RBFOX1: variants seen among roughly 807,000 people sequenced by gnomAD.
RBFOX1 encodes the protein RNA binding protein fox-1 homolog 1.
Under a neutral mutation model 57.7 loss-of-function variants are expected in RBFOX1, and 8 were observed. That is an observed-to-expected ratio of 0.14 (90% CI 0.08 to 0.25). The LOEUF (loss-of-function observed/expected upper bound fraction) is 0.25. Ranked by LOEUF, RBFOX1 falls within the 10% of genes least tolerant of loss-of-function variation. The pLI, the probability that RBFOX1 is intolerant of heterozygous loss-of-function variation, is 1.00. For synonymous variants in RBFOX1, 326 were observed against 222.4 expected (o/e 1.47, Z -4.15); for missense variants, 611 against 548.5 (o/e 1.11, Z -1.14).
chr16:6,039,733 A>AAT (rs2095415762), intron 1 of RBFOX1, among the ~76,000 whole-genome samples: 2 of 152,234 alleles, frequency 1.3e-5, no homozygotes, highest in Non-Finnish European at 2.9e-5. Context: ...CTGGGTTAAC[A>AAT]TATTAGTTAT....
chr16:6,380,925 C>T (rs2091747807), intron 2 of RBFOX1, among the ~76,000 whole-genome samples: 1 of 152,282 alleles, frequency 6.6e-6, no homozygotes, highest in Admixed American at 6.5e-5. Context: ...CAAAGGTCCT[C>T]ATATTTTTCT....
intron 4 of RBFOX1, among the ~76,000 whole-genome samples, chr16:7,344,968 G>T (rs987989100): frequency 6.6e-6 from 1 of 151,622 alleles, no homozygotes; most frequent in Non-Finnish European, 1.5e-5. Flanking sequence ...GGGCTGTCAG[G>T]AGGCCTTGTT....
intron 3 of RBFOX1, among the ~76,000 whole-genome samples, chr16:6,747,128 G>T (rs2073861091): frequency 6.6e-6 from 1 of 152,104 alleles, no homozygotes; most frequent in African/African-American, 2.4e-5. Context: ...CTTACTGGTC[G>T]GCCAGGCGCA....
intron 1 of RBFOX1, among the ~76,000 whole-genome samples, chr16:6,291,826 C>G (rs990162544): frequency 6.6e-6 from 1 of 152,146 alleles, no homozygotes; most frequent in Admixed American, 6.5e-5. Context: ...AGACCTGTCT[C>G]CCAGGCACAT....
At chr16:5,675,247 C>T (rs1309297108) in intron 3 of RBFOX1, among the ~76,000 whole-genome samples, 1 of 152,138 alleles carries the variant, frequency 6.6e-6, no homozygotes, top group African/African-American at 2.4e-5. Flanking sequence ...CACCCACCCA[C>T]ACACACATAG....
intron 4 of RBFOX1, among the ~76,000 whole-genome samples, chr16:7,287,211 A>T (rs1262411060): frequency 6.6e-6 from 1 of 152,188 alleles, no homozygotes; most frequent in Non-Finnish European, 1.5e-5. Context: ...TAATGTCTTG[A>T]TCTATGTACA....
At chr16:7,018,286 A>C (rs1403116569) in intron 3 of RBFOX1, among the ~76,000 whole-genome samples, 2 of 152,090 alleles carry the variant, frequency 1.3e-5, no homozygotes, top group African/African-American at 2.4e-5. Context: ...GGGGACTTCT[A>C]ATATTTTGGG....
intron 1 of RBFOX1, among the ~76,000 whole-genome samples, chr16:5,242,637 A>AT (rs1457803485): frequency 2.0e-5 from 3 of 152,128 alleles, no homozygotes; most frequent in African/African-American, 7.2e-5. Context: ...CTTTTATGAG[A>AT]TTTTGTCTGC....
intron 2 of RBFOX1, among the ~76,000 whole-genome samples, chr16:5,493,145 C>G (rs1259696746): frequency 2.0e-5 from 3 of 152,218 alleles, no homozygotes; most frequent in East Asian, 1.9e-4. Context: ...GTGTTGACAC[C>G]TTACTTAGAT....
At chr16:6,272,293 G>C (rs2075298518) in intron 1 of RBFOX1, among the ~76,000 whole-genome samples, 1 of 152,090 alleles carries the variant, frequency 6.6e-6, no homozygotes, top group Non-Finnish European at 1.5e-5. Context: ...AAAGAGAATT[G>C]AATTTGTTAA....
intron 2 of RBFOX1, among the ~76,000 whole-genome samples, chr16:6,621,557 G>C (rs1427650347): frequency 6.6e-6 from 1 of 152,122 alleles, no homozygotes; most frequent in South Asian, 2.1e-4. Context: ...TAATTACATC[G>C]GCAAAGCCCC....
At chr16:6,147,381 A>G (rs1205313464) in intron 1 of RBFOX1, among the ~76,000 whole-genome samples, 2 of 152,172 alleles carry the variant, frequency 1.3e-5, no homozygotes, top group Non-Finnish European at 2.9e-5. Context: ...ATACAGATCC[A>G]GTCCCAAGCA....
intron 2 of RBFOX1, among the ~76,000 whole-genome samples, chr16:6,450,848 T>TAC (rs1462850123): frequency 1.6e-5 from 1 of 64,094 alleles, no homozygotes; most frequent in African/African-American, 6.0e-5. Flanking sequence ...TGTATATATA[T>TAC]ATATATATAT....
At chr16:6,219,876 CAAAA>C (rs974731900) in intron 1 of RBFOX1, among the ~76,000 whole-genome samples, 5 of 151,590 alleles carry the variant, frequency 3.3e-5, no homozygotes, top group African/African-American at 1.2e-4. Flanking sequence ...AACTGCATGT[CAAAA>C]AAACAAACAA....
intron 4 of RBFOX1, among the ~76,000 whole-genome samples, chr16:7,457,853 G>C (rs916428972): frequency 6.6e-6 from 1 of 151,952 alleles, no homozygotes; most frequent in Non-Finnish European, 1.5e-5. Flanking sequence ...TGATCCACTT[G>C]GCCACAGCAG....
intron 1 of RBFOX1, among the ~76,000 whole-genome samples, chr16:6,315,426 T>G (rs2080960286): frequency 7.3e-6 from 1 of 136,916 alleles, no homozygotes; most frequent in Admixed American, 7.3e-5. Flanking sequence ...AGGTGAGGGA[T>G]GGGTGGGTAG....
intron 3 of RBFOX1, among the ~76,000 whole-genome samples, chr16:5,706,245 A>T (rs1417176956): frequency 1.3e-5 from 2 of 152,176 alleles, no homozygotes; most frequent in Non-Finnish European, 2.9e-5. Context: ...TTGTCTTAGA[A>T]CATTCCGAAA....
chr16:5,928,702 A>G (rs2058986486), intron 4 of RBFOX1, among the ~76,000 whole-genome samples: 1 of 140,494 alleles, frequency 7.1e-6, no homozygotes, highest in Non-Finnish European at 1.5e-5. Context: ...CTGCCCAATA[A>G]AAAAAAAAAA....
chr16:5,673,799 T>C (rs74004475), intron 3 of RBFOX1, among the ~76,000 whole-genome samples: 4,537 of 152,296 alleles, frequency 0.03, 243 homozygotes, highest in African/African-American at 0.1. Context: ...CTTGGCCTCA[T>C]TGTAGGCCTT....
Sources: allele counts gnomAD v4.1 joint callset (sites outside exome capture counted in the v4.1 genomes callset), GRCh38; gene constraint gnomAD v4.1.1; transcripts MANE v1.5; gene names NCBI Gene and HGNC (gene_info 2026-07-23, HGNC 2026-07-21).